The following SLC44A1 variants were observed in gnomAD, a reference collection of about 807,000 sequenced individuals.
SLC44A1 encodes the protein solute carrier family 44 member 1.
Under a neutral mutation model 79.3 loss-of-function variants are expected in SLC44A1, and 26 were observed. That is an observed-to-expected ratio of 0.33 (90% CI 0.24 to 0.46). SLC44A1 has a LOEUF of 0.46. SLC44A1 is among the 20% of genes least tolerant of loss of function. SLC44A1 has a pLI of 1.00. For synonymous variants in SLC44A1, 263 were observed against 286.2 expected, an observed-to-expected ratio of 0.92 and a Z score of 0.82; for missense variants, 688 against 798.1, an observed-to-expected ratio of 0.86 and a Z score of 1.66.
intron 11 of SLC44A1, 72 bp from the exon 12 acceptor site, chr9:105,366,274 A>G: frequency 1.4e-6 from 1 of 717,380 alleles, no homozygotes; most frequent in Non-Finnish European, 2.2e-6. Context: ...TTATTTTTCT[A>G]ACGTTTGAAG....
At position 105,389,225 on chromosome 9, in the gene SLC44A1, G is replaced by A. The variant is rs1828703612; in HGVS notation, c.*169G>A. 1.5e-6 allele frequency: 2 copies of A among 1,305,132 alleles called. No individual in the cohort carries two copies. Among genetic ancestry groups the A allele is most frequent in the Non-Finnish European group, 2.0e-6 (2 of 1,021,584 alleles). 80.8% of individuals were successfully genotyped at this position (1,305,132 alleles called of 1,614,324 possible). On this transcript the variant is annotated 3_prime_UTR_variant, in exon 16 of 16. Coordinates refer to ENST00000374720, the MANE Select transcript of SLC44A1 (RefSeq NM_080546.5). ...AGCCAAAATCAGAGAAAAGGAACAGGGATTTAATACCTTTTTTATGCTTAT... is the reference window on the plus strand; with the variant it reads ...AGCCAAAATCAGAGAAAAGGAACAGAGATTTAATACCTTTTTTATGCTTAT...
chr9:105,326,716 G>A (rs1826588537), intron 3 of SLC44A1, among the ~76,000 whole-genome samples: 1 of 152,210 alleles, frequency 6.6e-6, no homozygotes, highest in Non-Finnish European at 1.5e-5. Context: ...GAGGCTCACA[G>A]ATTTCACCCA....
intron 12 of SLC44A1, 134 bp from the exon 13 acceptor site, chr9:105,374,464 T>G: frequency 1.4e-6 from 1 of 733,796 alleles, no homozygotes. Flanking sequence ...TCAGTCTCGA[T>G]CTGTACCTCA....
intron 15 of SLC44A1, chr9:105,386,178 C>A (rs1828621848): frequency 1.0e-6 from 1 of 981,542 alleles, no homozygotes; most frequent in Non-Finnish European, 1.2e-6. Flanking sequence ...AAATATATCT[C>A]TCTACTCCAC....
chr9:105,266,297 G>A (rs1829960166), intron 1 of SLC44A1, among the ~76,000 whole-genome samples: 1 of 152,014 alleles, frequency 6.6e-6, no homozygotes, highest in African/African-American at 2.4e-5. Context: ...GGGGTTTTGT[G>A]GTATAAGTGA....
Position 105,247,262 on chromosome 9 carries a change from G to A in SLC44A1, c.36+2358G>A, listed in dbSNP as rs927600001. ...GGGTTGCAACTCCACATCTTCTCCAGCCTCTCTTAGGGGTCTCAAAAGTAT... is the reference window on the plus strand; with the variant it reads ...GGGTTGCAACTCCACATCTTCTCCAACCTCTCTTAGGGGTCTCAAAAGTAT... On this transcript the variant is annotated intron_variant, in intron 1 of 15. Coordinates refer to ENST00000374720, the MANE Select transcript of SLC44A1 (RefSeq NM_080546.5). Among the ~76,000 whole-genome samples, 8 of 152,222 alleles carry A rather than the reference G, an allele frequency of 5.3e-5. No individual in the cohort carries two copies. The East Asian group carries it at 1.5e-3, about 29-fold the overall frequency.
intron 1 of SLC44A1, among the ~76,000 whole-genome samples, chr9:105,298,397 G>C (rs1830786291): frequency 6.6e-6 from 1 of 152,122 alleles, no homozygotes; most frequent in Non-Finnish European, 1.5e-5. Flanking sequence ...TTGTTGCCCA[G>C]GCTGGAGTGC....
chr9:105,252,924 CAG>C (rs1311272292), intron 1 of SLC44A1, among the ~76,000 whole-genome samples: 3 of 152,130 alleles, frequency 2.0e-5, no homozygotes, highest in Non-Finnish European at 4.4e-5. Context: ...ATTTAAAAAA[CAG>C]ATTTACATTT....
intron 15 of SLC44A1, among the ~76,000 whole-genome samples, chr9:105,410,125 C>T (rs535919098): frequency 6.6e-6 from 1 of 152,082 alleles, no homozygotes; most frequent in Non-Finnish European, 1.5e-5. Flanking sequence ...AAACCCTAAA[C>T]CTCTTAGAAG....
At chr9:105,244,955 G>T in intron 1 of SLC44A1, 51 bp downstream of exon 1, 1 of 1,019,748 alleles carries the variant, frequency 9.8e-7, no homozygotes, top group Non-Finnish European at 1.2e-6. Flanking sequence ...CCCGTGCGCC[G>T]CGTCGCGCGG....
At chr9:105,310,195 T>C (rs1435890170) in intron 3 of SLC44A1, among the ~76,000 whole-genome samples, 4 of 152,176 alleles carry the variant, frequency 2.6e-5, no homozygotes, top group African/African-American at 2.4e-5. Context: ...TTTAACCCTG[T>C]AACATATTTT....
intron 15 of SLC44A1, among the ~76,000 whole-genome samples, chr9:105,414,733 G>T (rs897172926): frequency 1.3e-5 from 2 of 152,032 alleles, no homozygotes; most frequent in African/African-American, 2.4e-5. Flanking sequence ...GGAGTTCTAG[G>T]CTGTAGTACG....
At chr9:105,379,591 A>C (rs1463319297) in intron 13 of SLC44A1, among the ~76,000 whole-genome samples, 2 of 152,222 alleles carry the variant, frequency 1.3e-5, no homozygotes, top group Non-Finnish European at 2.9e-5. Context: ...GAATTTAAAA[A>C]TAAAAAAAAG....
rs1828521580 is a variant in SLC44A1, at chr9:105,383,111, T to C, written c.1633-12T>C. 1 of 1,583,022 alleles carries C rather than the reference T, an allele frequency of 6.3e-7. No homozygotes were observed. The highest frequency in any genetic ancestry group is 8.7e-7 in the Non-Finnish European group (1 of 1,152,310). ...AGGATATTAAATATGATCTTTGTTC[T>C]CTCTGCTTCAGGTGCTGATAGTCTG... On this transcript the variant is annotated splice_polypyrimidine_tract_variant and intron_variant, in intron 13 of 15. Transcript: ENST00000374720.
rs151011153 is a variant in SLC44A1, at chr9:105,349,479, T to C, written c.500+1028T>C. On this transcript the variant is annotated intron_variant, in intron 5 of 15. Transcript: ENST00000374720. ...ATATATTTTCAGCTCATTAATCTTG[T>C]CAAGTTGCTATTGAAAAATCAAAAT... 1.7e-3 allele frequency among the ~76,000 whole-genome samples: 253 copies of C among 152,344 alleles called. 1 individual carries two copies. Among genetic ancestry groups the C allele is most frequent in the African/African-American group, 5.8e-3 (240 of 41,570 alleles).
At position 105,389,968 on chromosome 9, in the gene SLC44A1, C is replaced by CGGTGCTTGG; in HGVS notation, c.*914_*922dup. ...ATGGAACATAAAGCATTGAAAATTCCGGTGCTTGGGCTTCGGCTTCAGAGT... is the reference window on the plus strand; with the variant it reads ...ATGGAACATAAAGCATTGAAAATTCCGGTGCTTGGGGTGCTTGGGCTTCGGCTTCAGAGT... On this transcript the variant is annotated 3_prime_UTR_variant, in exon 16 of 16. Coordinates refer to ENST00000374720, the MANE Select transcript of SLC44A1 (RefSeq NM_080546.5). 1 of 1,470,434 alleles carries CGGTGCTTGG rather than the reference C, an allele frequency of 6.8e-7. No individual in the cohort carries two copies. The allele number at this position is 1,470,434 out of a possible 1,614,324, so 91.1% of individuals were successfully genotyped here.
intron 4 of SLC44A1, among the ~76,000 whole-genome samples, chr9:105,339,539 A>G (rs1337396303): frequency 1.3e-5 from 2 of 152,198 alleles, no homozygotes; most frequent in Non-Finnish European, 2.9e-5. Flanking sequence ...TAAAGAAAAT[A>G]TGGTGAACTG....
chr9:105,270,082 CTT>C (rs1830044345), intron 1 of SLC44A1, among the ~76,000 whole-genome samples: 2 of 152,258 alleles, frequency 1.3e-5, no homozygotes, highest in Admixed American at 1.3e-4. Context: ...AAAAAAATAT[CTT>C]TTCCCAGTAC....
At chr9:105,438,038 A>T (rs745561386) in intron 15 of SLC44A1, among the ~76,000 whole-genome samples, 9 of 152,024 alleles carry the variant, frequency 5.9e-5, no homozygotes, top group Non-Finnish European at 1.3e-4. Flanking sequence ...AATTTTATAC[A>T]TTGGGAAATG....
Sources: gnomAD v4.1 joint callset for allele counts (sites outside exome capture counted in the v4.1 genomes callset) on GRCh38, gnomAD v4.1.1 for gene constraint, MANE v1.5 for transcripts, NCBI Gene and HGNC (gene_info 2026-07-23, HGNC 2026-07-21) for gene names.